Variants in FSTL5 observed in about 807,000 individuals in gnomAD.
FSTL5 encodes follistatin-related protein 5.
FSTL5 carries 62 observed loss-of-function variants against 89.1 expected under a neutral mutation model. The ratio of observed to expected loss-of-function variants is 0.70; its 90% CI spans 0.57 to 0.86. The LOEUF (loss-of-function observed/expected upper bound fraction) is 0.86, where lower values mean the gene tolerates loss of function less well. Ranked by LOEUF, FSTL5 falls within the 40% of genes least tolerant of loss-of-function variation. FSTL5 has a pLI of 0.00. For missense variants in FSTL5, 1,057 were observed against 1,001.6 expected (o/e 1.06, Z -0.75); for synonymous variants, 383 against 346.2 (o/e 1.11, Z -1.18).
chr4:161,619,396 A>C (rs1012621759), intron 7 of FSTL5, among the ~76,000 whole-genome samples: 1 of 152,234 alleles, frequency 6.6e-6, no homozygotes, highest in African/African-American at 2.4e-5. Context: ...CATCAGAGTG[A>C]ACAGGCAACC....
intron 7 of FSTL5, among the ~76,000 whole-genome samples, chr4:161,636,292 G>C (rs888033912): frequency 3.9e-4 from 59 of 152,060 alleles, no homozygotes; most frequent in African/African-American, 1.4e-3. Flanking sequence ...TTTTGAGTTT[G>C]AGTCAAACTG....
At chr4:161,628,495 A>C (rs979068043) in intron 7 of FSTL5, among the ~76,000 whole-genome samples, 1 of 152,170 alleles carries the variant, frequency 6.6e-6, no homozygotes, top group Non-Finnish European at 1.5e-5. Flanking sequence ...ATGTCTAAAA[A>C]TTAATATATA....
chr4:162,113,675 T>C (rs559167252), intron 1 of FSTL5, among the ~76,000 whole-genome samples: 86 of 152,300 alleles, frequency 5.6e-4, no homozygotes, highest in African/African-American at 2.0e-3. Context: ...TTTGAACTTA[T>C]TTTGCCTGTC....
intron 11 of FSTL5, among the ~76,000 whole-genome samples, chr4:161,506,690 A>G (rs372984734): frequency 6.6e-6 from 1 of 152,114 alleles, no homozygotes; most frequent in East Asian, 1.9e-4. Context: ...ATTTTAAATA[A>G]TTTTAGGCTG....
intron 4 of FSTL5, among the ~76,000 whole-genome samples, chr4:161,829,708 G>C (rs1311173968): frequency 6.6e-6 from 1 of 152,048 alleles, no homozygotes; most frequent in Non-Finnish European, 1.5e-5. Flanking sequence ...TTGTTATATA[G>C]TTAACATCTG....
chr4:162,040,314 G>A (rs967765817), intron 2 of FSTL5, among the ~76,000 whole-genome samples: 2 of 152,018 alleles, frequency 1.3e-5, no homozygotes, highest in Non-Finnish European at 2.9e-5. Context: ...GGAAATTCAT[G>A]GAACTTGAGA....
intron 4 of FSTL5, among the ~76,000 whole-genome samples, chr4:161,892,844 T>C (rs1421907256): frequency 2.0e-5 from 3 of 152,148 alleles, no homozygotes; most frequent in African/African-American, 7.2e-5. Context: ...TACACGTTAG[T>C]CAATGCTTTC....
chr4:162,055,736 T>G (rs1222853739), intron 2 of FSTL5, among the ~76,000 whole-genome samples: 1 of 151,936 alleles, frequency 6.6e-6, no homozygotes, highest in Non-Finnish European at 1.5e-5. Flanking sequence ...TCAAAACTTC[T>G]TATAGTTTTT....
At chr4:161,707,563 G>GA (rs1483795848) in intron 6 of FSTL5, among the ~76,000 whole-genome samples, 1 of 151,812 alleles carries the variant, frequency 6.6e-6, no homozygotes, top group Non-Finnish European at 1.5e-5. Flanking sequence ...GCTTACTAAT[G>GA]AAAATGAAGG....
chr4:162,011,461 C>A (rs1736764314), intron 3 of FSTL5, among the ~76,000 whole-genome samples: 2 of 152,046 alleles, frequency 1.3e-5, no homozygotes, highest in Non-Finnish European at 2.9e-5. Flanking sequence ...TCTTCTCTGT[C>A]CAGCCCTCTC....
chr4:161,439,187 G>T (rs1040886921), intron 15 of FSTL5, among the ~76,000 whole-genome samples: 13 of 152,164 alleles, frequency 8.5e-5, no homozygotes, highest in African/African-American at 3.1e-4. Context: ...GATCTCAAAA[G>T]CCTGTCCATT....
intron 6 of FSTL5, among the ~76,000 whole-genome samples, chr4:161,678,743 A>G (rs1197044486): frequency 1.3e-5 from 2 of 151,802 alleles, no homozygotes; most frequent in African/African-American, 4.8e-5. Flanking sequence ...AGGAATGCCA[A>G]AAGAAAGAAA....
intron 6 of FSTL5, among the ~76,000 whole-genome samples, chr4:161,741,818 G>T (rs1242310102): frequency 6.6e-6 from 1 of 151,694 alleles, no homozygotes; most frequent in Admixed American, 6.6e-5. Flanking sequence ...CCCCTGAGTA[G>T]CTGGGACTAC....
chr4:161,720,888 T>A (rs1739176113), intron 6 of FSTL5, among the ~76,000 whole-genome samples: 1 of 152,096 alleles, frequency 6.6e-6, no homozygotes, highest in Non-Finnish European at 1.5e-5. Flanking sequence ...GAGGTATTGG[T>A]CAAAGGGTAC....
intron 4 of FSTL5, among the ~76,000 whole-genome samples, chr4:161,794,812 G>T (rs4691796): frequency 0.22 from 33,669 of 152,112 alleles, 3,790 homozygotes; most frequent in Middle Eastern, 0.32. Context: ...TAAGTTTTAA[G>T]ACATAGTCAC....
intron 2 of FSTL5, among the ~76,000 whole-genome samples, chr4:162,100,782 C>A (rs945123416): frequency 4.6e-5 from 7 of 152,060 alleles, no homozygotes; most frequent in African/African-American, 1.7e-4. Context: ...TAGAGTGACT[C>A]TTTGTACTCT....
At chr4:161,626,689 C>T (rs1735328284) in intron 7 of FSTL5, among the ~76,000 whole-genome samples, 1 of 152,122 alleles carries the variant, frequency 6.6e-6, no homozygotes, top group Non-Finnish European at 1.5e-5. Context: ...ACAGCTGCCA[C>T]AGGAACATCT....
intron 8 of FSTL5, among the ~76,000 whole-genome samples, chr4:161,570,342 G>T (rs990930733): frequency 1.3e-5 from 2 of 152,126 alleles, no homozygotes; most frequent in Non-Finnish European, 2.9e-5. Flanking sequence ...GAATCTTCTG[G>T]GCAGGGGAAA....
chr4:161,865,317 T>A lies in FSTL5; in HGVS notation c.409+55087A>T, dbSNP rs149994007. 5.9e-5 allele frequency among the ~76,000 whole-genome samples: 9 copies of A among 152,330 alleles called. No homozygotes were observed. In the East Asian group the frequency reaches 1.7e-3, roughly 29 times the overall value. On this transcript the variant is annotated intron_variant, in intron 4 of 15. Coordinates refer to ENST00000306100, the MANE Select transcript of FSTL5 (RefSeq NM_020116.5). ...AAAACTATGGGGAAAAGTCCACATA[T>A]CCCTTATGCAGTTTAAAATTAATTG...
Sources: gnomAD v4.1 joint callset for allele counts (sites outside exome capture counted in the v4.1 genomes callset) on GRCh38, gnomAD v4.1.1 for gene constraint, MANE v1.5 for transcripts, NCBI Gene and HGNC (gene_info 2026-07-23, HGNC 2026-07-21) for gene names.